AKR1C8: variants seen among roughly 807,000 people sequenced by gnomAD.
AKR1C8 encodes aldo-keto reductase family 1 member C-like protein 1.
the AKR1C8 span, among the ~76,000 whole-genome samples, chr10:5,128,210 C>T: frequency 6.6e-6 from 1 of 152,090 alleles, no homozygotes; most frequent in East Asian, 1.9e-4. Context: ...GAAATACAGT[C>T]ATTTTTAGAA....
chr10:5,148,294 G>A, the AKR1C8 span, among the ~76,000 whole-genome samples: 1 of 152,036 alleles, frequency 6.6e-6, no homozygotes, highest in Non-Finnish European at 1.5e-5. Flanking sequence ...TAAGAAGTGG[G>A]GAGGAGAGAT....
At chr10:5,155,500 C>T in the AKR1C8 span, 1 of 288,310 alleles carries the variant, frequency 3.5e-6, no homozygotes, top group Middle Eastern at 1.2e-3. Context: ...CACATTTCTG[C>T]TGGGTCAGAG....
the AKR1C8 span, among the ~76,000 whole-genome samples, chr10:5,170,422 T>C: frequency 6.6e-6 from 1 of 152,112 alleles, no homozygotes; most frequent in African/African-American, 2.4e-5. Flanking sequence ...ATTATTTGTA[T>C]ACAGTGCAGC....
chr10:5,125,307 T>G, the AKR1C8 span, among the ~76,000 whole-genome samples: 2,233 of 152,274 alleles, frequency 0.015, 54 homozygotes, highest in African/African-American at 0.051. Context: ...GAGGTCATTA[T>G]TGGTACTTCC....
At chr10:5,135,937 T>G in the AKR1C8 span, among the ~76,000 whole-genome samples, 1 of 152,204 alleles carries the variant, frequency 6.6e-6, no homozygotes, top group Non-Finnish European at 1.5e-5. Context: ...GATGATGTTG[T>G]AATCCTGACA....
the AKR1C8 span, among the ~76,000 whole-genome samples, chr10:5,117,751 AGAGT>A: frequency 6.6e-6 from 1 of 152,124 alleles, no homozygotes; most frequent in Non-Finnish European, 1.5e-5. Context: ...CCGAGTTCAC[AGAGT>A]GAGAGAGGAA....
the AKR1C8 span, among the ~76,000 whole-genome samples, chr10:5,143,543 A>G: frequency 6.6e-6 from 1 of 152,070 alleles, no homozygotes; most frequent in African/African-American, 2.4e-5. Flanking sequence ...CGCTTTTCAG[A>G]AAACATAATT....
chr10:5,127,540 G>A, the AKR1C8 span, among the ~76,000 whole-genome samples: 1 of 151,872 alleles, frequency 6.6e-6, no homozygotes, highest in African/African-American at 2.4e-5. Context: ...CCAACATGGT[G>A]AAACCCAGTC....
chr10:5,143,820 T>C, the AKR1C8 span, among the ~76,000 whole-genome samples: 7 of 151,192 alleles, frequency 4.6e-5, no homozygotes, highest in Non-Finnish European at 1.0e-4. Flanking sequence ...GAAGTGGTTC[T>C]AGGGGAACAG....
chr10:5,120,372 C>A, the AKR1C8 span, among the ~76,000 whole-genome samples: 5 of 35,460 alleles, frequency 1.4e-4, no homozygotes, highest in African/African-American at 1.7e-3. Context: ...TCCTCTAGTG[C>A]CACTGGTTAG....
chr10:5,166,323 TTG>T, the AKR1C8 span, among the ~76,000 whole-genome samples: 4 of 152,178 alleles, frequency 2.6e-5, no homozygotes, highest in South Asian at 2.1e-4. Context: ...AGAGCCTGCA[TTG>T]CCAAGTCAAT....
chr10:5,163,934 C>T, the AKR1C8 span, among the ~76,000 whole-genome samples: 2 of 151,858 alleles, frequency 1.3e-5, no homozygotes, highest in African/African-American at 4.9e-5. Flanking sequence ...ATAGAAATGC[C>T]CCTGTCCTTT....
the AKR1C8 span, chr10:5,155,751 CA>C: frequency 4.2e-6 from 2 of 473,786 alleles, no homozygotes; most frequent in Admixed American, 2.3e-5. Context: ...AACTCAAAGT[CA>C]AAAATCTGAA....
chr10:5,126,745 G>T, the AKR1C8 span, among the ~76,000 whole-genome samples: 15 of 152,158 alleles, frequency 9.9e-5, no homozygotes, highest in Non-Finnish European at 2.2e-4. Context: ...ATAGGAGACA[G>T]TGAACTTGCC....
the AKR1C8 span, among the ~76,000 whole-genome samples, chr10:5,141,994 T>A: frequency 6.6e-6 from 1 of 152,152 alleles, no homozygotes; most frequent in Non-Finnish European, 1.5e-5. Context: ...TACAAGGCCC[T>A]TTCATCTACA....
At chr10:5,132,211 G>A in the AKR1C8 span, among the ~76,000 whole-genome samples, 1 of 152,086 alleles carries the variant, frequency 6.6e-6, no homozygotes, top group Non-Finnish European at 1.5e-5. Context: ...AGGGATAAAA[G>A]CCTACATATT....
chr10:5,159,832 G>A, the AKR1C8 span: 3 of 479,694 alleles, frequency 6.3e-6, no homozygotes, highest in Non-Finnish European at 8.6e-6. Flanking sequence ...TAAGCAGGAA[G>A]TGTGTGAACA....
chr10:5,139,573 G>A, the AKR1C8 span, among the ~76,000 whole-genome samples: 18 of 152,128 alleles, frequency 1.2e-4, no homozygotes, highest in African/African-American at 4.3e-4. Context: ...TTTAATAAAT[G>A]GTGCTGGGAA....
At chr10:5,128,246 T>A in the AKR1C8 span, among the ~76,000 whole-genome samples, 109 of 152,288 alleles carry the variant, frequency 7.2e-4, no homozygotes, top group Middle Eastern at 3.4e-3. Flanking sequence ...GAATTTGACA[T>A]TATCAAACCA....
Sources: allele counts gnomAD v4.1 joint callset (sites outside exome capture counted in the v4.1 genomes callset), GRCh38; gene constraint gnomAD v4.1.1; transcripts MANE v1.5; gene names NCBI Gene and HGNC (gene_info 2026-07-23, HGNC 2026-07-21).